Variants in SHLD2 observed in about 807,000 individuals in gnomAD.
SHLD2 encodes the protein shieldin complex subunit 2.
Under a neutral mutation model 73.2 loss-of-function variants are expected in SHLD2, and 30 were observed. That is an observed-to-expected ratio of 0.41 (90% CI 0.31 to 0.56). SHLD2 has a LOEUF of 0.56. Among genes scored for constraint, SHLD2 ranks in the 20% least tolerant of loss-of-function variants. The probability of loss-of-function intolerance (pLI) is 0.28; values close to 1 mark genes in which losing one functional copy is unlikely to be tolerated. For missense variants in SHLD2, 745 were observed against 1,055.9 expected (o/e 0.71, Z 4.08); for synonymous variants, 285 against 370.1 (o/e 0.77, Z 2.64).
intron 4 of SHLD2, among the ~76,000 whole-genome samples, chr10:87,161,131 TATAAC>T (rs1426324113): frequency 1.3e-5 from 2 of 152,170 alleles, no homozygotes; most frequent in Admixed American, 6.5e-5. Flanking sequence ...AATTCAGTGA[TATAAC>T]AGAATGCAAA....
At chr10:87,132,142 C>G (rs910186740) in intron 2 of SHLD2, among the ~76,000 whole-genome samples, 6 of 152,100 alleles carry the variant, frequency 3.9e-5, no homozygotes, top group Non-Finnish European at 8.8e-5. Flanking sequence ...ACATGATTTT[C>G]AAATCTTTTG....
At chr10:87,168,952 CT>C (rs1337147265) in intron 4 of SHLD2, among the ~76,000 whole-genome samples, 3 of 152,058 alleles carry the variant, frequency 2.0e-5, no homozygotes, top group African/African-American at 7.2e-5. Flanking sequence ...GTTCTTTCAT[CT>C]TTATAGTGAG....
upstream of SHLD2, chr10:87,094,578 G>C (rs1341566711): frequency 6.2e-7 from 1 of 1,611,736 alleles, no homozygotes; most frequent in Admixed American, 1.7e-5. The surrounding 1 kb of genome is among the most constrained non-coding windows in gnomAD (Gnocchi z 6.6). Context: ...TGAAGAAGTT[G>C]GGGTCGTCCT....
At chr10:87,167,724 A>G (rs1046288162) in intron 4 of SHLD2, among the ~76,000 whole-genome samples, 2 of 152,210 alleles carry the variant, frequency 1.3e-5, no homozygotes, top group African/African-American at 4.8e-5. Context: ...GGCTCACTGC[A>G]GCCTCAGTCT....
intron 2 of SHLD2, among the ~76,000 whole-genome samples, chr10:87,113,781 G>A (rs61858893): frequency 0.1 from 15,952 of 152,154 alleles, 967 homozygotes; most frequent in Admixed American, 0.15. Context: ...CGAGGCGAGT[G>A]GATCACTTGA....
intron 1 of SHLD2, among the ~76,000 whole-genome samples, chr10:87,095,985 ATTCT>A (rs543758098): frequency 5.3e-5 from 8 of 152,192 alleles, no homozygotes; most frequent in Non-Finnish European, 1.2e-4. Context: ...CCCCCAGGAA[ATTCT>A]TTCTCAGGAA....
At chr10:87,179,655 C>T (rs1272527525) in intron 7 of SHLD2, among the ~76,000 whole-genome samples, 1 of 152,216 alleles carries the variant, frequency 6.6e-6, no homozygotes, top group East Asian at 1.9e-4. Flanking sequence ...CCCGCGTCGG[C>T]CTCCCAAAGT....
At position 87,187,206 on chromosome 10, in the gene SHLD2, A is replaced by G. The variant is rs775152578; in HGVS notation, c.2515+6A>G. The G allele has an allele frequency of 7.4e-6, 11 of 1,484,846 alleles. No homozygotes were observed. The highest frequency in any genetic ancestry group is 4.5e-5 in the South Asian group (4 of 88,400). The allele number at this position is 1,484,846 out of a possible 1,614,324, so 92.0% of individuals were successfully genotyped here. A position where few individuals can be genotyped will look rare whatever the true frequency, so the allele number is the denominator to read the frequency against. On this transcript the variant is annotated splice_donor_region_variant and intron_variant, in intron 9 of 9. Coordinates refer to ENST00000298786, the MANE Select transcript of SHLD2 (RefSeq NM_001330112.2). ...CTGCCTCAACAGAGTGATAGGTAAT[A>G]TATCAGTGTGCCATCAAGAAGTTGT...
At chr10:87,181,880 C>T (rs1848333701) in intron 8 of SHLD2, among the ~76,000 whole-genome samples, 1 of 150,970 alleles carries the variant, frequency 6.6e-6, no homozygotes, top group Non-Finnish European at 1.5e-5. Flanking sequence ...AGTGATTCTT[C>T]TGTCTCAGCC....
intron 2 of SHLD2, among the ~76,000 whole-genome samples, chr10:87,139,904 G>A (rs966661960): frequency 6.6e-6 from 1 of 152,082 alleles, no homozygotes; most frequent in Non-Finnish European, 1.5e-5. Context: ...GGGAAAAACT[G>A]GATGTGATTA....
intron 6 of SHLD2, among the ~76,000 whole-genome samples, chr10:87,172,944 T>C (rs1847694117): frequency 6.6e-6 from 1 of 152,084 alleles, no homozygotes; most frequent in Non-Finnish European, 1.5e-5. Flanking sequence ...TTGAATTTCA[T>C]ATGTGTGTGA....
At chr10:87,128,976 C>T (rs1167372511) in intron 2 of SHLD2, among the ~76,000 whole-genome samples, 1 of 152,142 alleles carries the variant, frequency 6.6e-6, no homozygotes, top group Admixed American at 6.5e-5. Flanking sequence ...GATCTTGGCG[C>T]ACTGCAACAA....
At chr10:87,126,062 AGAGGAATATTGGGT>A (rs1468803105) in intron 2 of SHLD2, among the ~76,000 whole-genome samples, 3 of 152,188 alleles carry the variant, frequency 2.0e-5, no homozygotes, top group Non-Finnish European at 4.4e-5. Context: ...CATTCGAGCC[AGAGGAATATTGGGT>A]TTTTTTGTTG....
At chr10:87,149,830 G>C (rs1845885615) in intron 2 of SHLD2, among the ~76,000 whole-genome samples, 1 of 152,284 alleles carries the variant, frequency 6.6e-6, no homozygotes, top group South Asian at 2.1e-4. Flanking sequence ...TCAGGCTCAA[G>C]TAATCCTCCC....
At chr10:87,166,952 T>A (rs1039628115) in intron 4 of SHLD2, among the ~76,000 whole-genome samples, 12 of 55,888 alleles carry the variant, frequency 2.1e-4, no homozygotes, top group African/African-American at 1.5e-3. Context: ...TTTTGGAAAG[T>A]GTGTGTGTGT....
At chr10:87,155,399 C>G (rs940542448) in intron 3 of SHLD2, among the ~76,000 whole-genome samples, 9 of 151,836 alleles carry the variant, frequency 5.9e-5, no homozygotes, top group African/African-American at 2.2e-4. Context: ...TGCTGAATAC[C>G]TCTTTGCTTG....
chr10:87,099,332 ATAATT>A (rs1410255298), intron 2 of SHLD2, among the ~76,000 whole-genome samples: 2 of 152,236 alleles, frequency 1.3e-5, no homozygotes, highest in Admixed American at 6.5e-5. Flanking sequence ...ATTTTTAAAA[ATAATT>A]TAATTTGAAA....
rs191111563 is a variant in SHLD2, at chr10:87,140,216, T to G, written c.-5-11134T>G. ...GTGCAGATCATTTGAGATCAGGAATTTGAGACCAGCCTGTCCAACATGGTG... is the reference window on the plus strand; with the variant it reads ...GTGCAGATCATTTGAGATCAGGAATGTGAGACCAGCCTGTCCAACATGGTG... On this transcript the variant is annotated intron_variant, in intron 2 of 9. Coordinates refer to ENST00000298786, the MANE Select transcript of SHLD2 (RefSeq NM_001330112.2). Among the ~76,000 whole-genome samples the G allele has an allele frequency of 2.7e-3, 406 of 152,010 alleles. 1 individual carries two copies. Among genetic ancestry groups the G allele is most frequent in the African/African-American group, 9.6e-3 (400 of 41,452 alleles).
At chr10:87,180,044 A>G in intron 7 of SHLD2, 31 bp from the exon 8 acceptor site, 1 of 1,583,038 alleles carries the variant, frequency 6.3e-7, no homozygotes, top group Non-Finnish European at 8.7e-7. Context: ...TTGGCCCAAT[A>G]ATTTATAATA....
Sources: gnomAD v4.1 joint callset for allele counts (sites outside exome capture counted in the v4.1 genomes callset) on GRCh38, gnomAD v4.1.1 for gene constraint, Gnocchi (gnomAD v3.1) non-coding constraint, MANE v1.5 for transcripts, NCBI Gene and HGNC (gene_info 2026-07-23, HGNC 2026-07-21) for gene names.